TUBA3E: variants seen among roughly 807,000 people sequenced by gnomAD.
TUBA3E encodes the protein tubulin alpha-3E chain.
TUBA3E carries 21 observed loss-of-function variants against 36.7 expected under a neutral mutation model. That is an observed-to-expected ratio of 0.57 (90% confidence interval 0.41 to 0.83). The LOEUF (loss-of-function observed/expected upper bound fraction) is 0.83, where lower values mean the gene tolerates loss of function less well. Among genes scored for constraint, TUBA3E ranks in the 40% least tolerant of loss-of-function variants. TUBA3E has a pLI of 0.00. For missense variants in TUBA3E, 469 were observed against 604.2 expected (o/e 0.78, Z 2.35); for synonymous variants, 177 against 241.9 (o/e 0.73, Z 2.49).
At chr2:130,192,216 T>C in intron 4 of TUBA3E, 89 bp from the exon 5 acceptor site, 1 of 1,519,780 alleles carries the variant, frequency 6.6e-7, no homozygotes. Flanking sequence ...AGACACCCTG[T>C]AGGTGACACG....
chr2:130,198,386 C>T lies in TUBA3E; in HGVS notation c.-26G>A, dbSNP rs6758642. The T allele has an allele frequency of 0.012, 16,745 of 1,356,288 alleles. 4,582 individuals carry two copies. In the African/African-American group the frequency reaches 0.22, roughly 18 times the overall value. 84.0% of individuals were successfully genotyped at this position (1,356,288 alleles called of 1,614,324 possible). A position where few individuals can be genotyped will look rare whatever the true frequency, so the allele number is the denominator to read the frequency against. ...GGCGAACTCCGCTGCTTCAGCCCAA[C>T]GCTACTTCCAGACCTCAACCGGCTG... On this transcript the variant is annotated 5_prime_UTR_variant, in exon 1 of 5. Transcript: ENST00000312988.
Position 130,193,947 on chromosome 2 carries a change from C to G in TUBA3E, c.895G>C (p.Ala299Pro). 1.2e-6 allele frequency: 2 copies of G among 1,614,220 alleles called. No individual in the cohort carries two copies. The highest frequency in any genetic ancestry group is 1.1e-5 in the South Asian group (1 of 91,088). Residue 299 changes from alanine (A) to proline (P), a missense_variant, in exon 4 of 5, where the codon GCC (alanine) becomes CCC (proline). Coordinates refer to ENST00000312988, the MANE Select transcript of TUBA3E (RefSeq NM_207312.3). ...AEITNACFEP[A>P]NQMVKCDPRH... is the part of the protein sequence containing the mutation. ...GGGTCACACTTGACCATCTGATTGG[C>G]TGGCTCGAAGCAGGCATTGGTGATC... is the stretch of plus-strand genomic sequence containing the variant.
rs781666196 is a variant in TUBA3E at position 130,192,087 on chromosome 2, C to T, written c.1097G>A (p.Gly366Glu). Residue 366 changes from glycine (G) to glutamate (E), a missense_variant, in exon 5 of 5, where the codon GGA (glycine) becomes GAA (glutamate). By Grantham distance (98) the Gly-to-Glu change is moderately conservative. Transcript: ENST00000312988. ...GGCCCGCTGCACCTTGGCCAGGTCT[C>T]CCCCGGGGACCACTGTGGGGGGCTG... ...NYQPPTVVPGGDLAKVQRAVC... is the reference protein window; with the variant it reads ...NYQPPTVVPGEDLAKVQRAVC... The T allele has an allele frequency of 3.7e-6, 6 of 1,606,376 alleles. No individual in the cohort carries two copies. The East Asian group carries it at 1.3e-4, about 36-fold the overall frequency.
In TUBA3E at chr2:130,196,142, C is replaced by A. The variant is rs1690396773; in HGVS notation, c.226+7G>T. Reference sequence around the variant, plus strand: ...GGAAAGCTGCCATCCAGTGCCCAGGCACCTACCGACCACAGTGGGCTCCAG... The same window carrying A: ...GGAAAGCTGCCATCCAGTGCCCAGGAACCTACCGACCACAGTGGGCTCCAG... On this transcript the variant is annotated splice_region_variant and intron_variant, in intron 2 of 4. Transcript: ENST00000312988. 1.2e-6 allele frequency: 2 copies of A among 1,609,390 alleles called. No homozygotes were observed. The highest frequency in any genetic ancestry group is 1.1e-5 in the South Asian group (1 of 90,644).
intron 1 of TUBA3E, among the ~76,000 whole-genome samples, chr2:130,196,868 C>T (rs1214786361): frequency 1.3e-5 from 2 of 152,164 alleles, no homozygotes; most frequent in Admixed American, 6.5e-5. Context: ...TCTGTGCTCT[C>T]GAAGGCTGAC....
At position 130,194,156 on chromosome 2, in the gene TUBA3E, C is replaced by T. The variant is rs760795453; in HGVS notation, c.686G>A (p.Arg229His). ...GGAGGACACGATCTGCCCAATCAGGCGATTGAGGTTGGTGTACGTGGGACG... is the reference window on the plus strand; with the variant it reads ...GGAGGACACGATCTGCCCAATCAGGTGATTGAGGTTGGTGTACGTGGGACG... ...IERPTYTNLN[R>H]LIGQIVSSIT... Residue 229 changes from arginine (R) to histidine (H), a missense_variant, in exon 4 of 5, where the codon CGC (arginine) becomes CAC (histidine). By Grantham distance (29) the Arg-to-His change is conservative. Around this residue, in one of 3 missense-constraint regions of TUBA3E, gnomAD observed 296 missense variants for 346.9 expected, o/e 0.85. Coordinates refer to ENST00000312988, the MANE Select transcript of TUBA3E (RefSeq NM_207312.3). The T allele has an allele frequency of 2.8e-5, 45 of 1,613,792 alleles. No individual in the cohort carries two copies. Among genetic ancestry groups the T allele is most frequent in the Middle Eastern group, 1.7e-4 (1 of 5,888 alleles).
At chr2:130,192,332 C>G (rs939023410) in intron 4 of TUBA3E, among the ~76,000 whole-genome samples, 4 of 152,138 alleles carry the variant, frequency 2.6e-5, no homozygotes, top group African/African-American at 9.7e-5. Flanking sequence ...AGGTAGCCAC[C>G]CTGGTGGGAT....
intron 4 of TUBA3E, 71 bp from the exon 5 acceptor site, chr2:130,192,198 C>T (rs1374115502): frequency 5.8e-6 from 9 of 1,540,854 alleles, no homozygotes; most frequent in African/African-American, 1.4e-5. Flanking sequence ...TACTTCTCCT[C>T]AAACAGAAGA....
Position 130,193,724 on chromosome 2 carries a change from A to G in TUBA3E, c.1056+62T>C, listed in dbSNP as rs753719711. 1.6e-3 allele frequency: 2,415 copies of G among 1,548,772 alleles called. 11 individuals are homozygous for G. Among genetic ancestry groups the G allele is most frequent in the African/African-American group, 3.8e-3 (275 of 71,950 alleles). ...TCTCCCCAAAGGATGTGGGCCTTCA[A>G]GGCCAGTGTTATTTTGTGCATCTGC... On this transcript the variant is annotated intron_variant, in intron 4 of 4. Transcript: ENST00000312988.
In TUBA3E at chr2:130,193,877, T is replaced by TC. The variant is rs745980417; in HGVS notation, c.964dup (p.Asp322GlyfsTer31). On this transcript the variant is annotated frameshift_variant, in exon 4 of 5. Transcript: ENST00000312988. LOFTEE classifies it high-confidence loss of function. ...CGCATTGACGTCTTTGGGGACCACGTCCCCCCTGTACAACATGCAGCAGGC... is the reference window on the plus strand; with the variant it reads ...CGCATTGACGTCTTTGGGGACCACGTCCCCCCCTGTACAACATGCAGCAGGC... 1 of 1,613,950 alleles carries TC rather than the reference T, an allele frequency of 6.2e-7. No individual in the cohort carries two copies. Among genetic ancestry groups the TC allele is most frequent in the African/African-American group, 1.3e-5 (1 of 74,902 alleles).
chr2:130,192,022 A>G lies in TUBA3E; in HGVS notation c.1162T>C (p.Trp388Arg), dbSNP rs780566259. 6.2e-7 allele frequency: 1 copy of G among 1,614,100 alleles called. No homozygotes were observed. Among genetic ancestry groups the G allele is most frequent in the African/African-American group, 1.3e-5 (1 of 75,006 alleles). ...LSNTTAIAEAWARLVHKFDLM... is the reference protein window; with the variant it reads ...LSNTTAIAEARARLVHKFDLM... Reference sequence around the variant, plus strand: ...TCGAACTTATGGACCAGGCGGGCCCAGGCCTCCGCAATGGCCGTGGTGTTG... The same window carrying G: ...TCGAACTTATGGACCAGGCGGGCCCGGGCCTCCGCAATGGCCGTGGTGTTG... Residue 388 changes from tryptophan to arginine, a missense_variant, in exon 5 of 5, where the codon TGG becomes CGG. Coordinates refer to ENST00000312988, the MANE Select transcript of TUBA3E (RefSeq NM_207312.3).
chr2:130,191,999 G>A lies in TUBA3E; in HGVS notation c.1185C>T (p.Phe395=), dbSNP rs775161464. 83 of 1,614,044 alleles carry A rather than the reference G, an allele frequency of 5.1e-5. 1 individual carries two copies. In the Admixed American group the frequency reaches 1.1e-3, roughly 21 times the overall value. Residue 395 remains phenylalanine (F), a synonymous_variant, in exon 5 of 5, where the codon TTC becomes TTT. Transcript: ENST00000312988. ...AGGCCCACTTGGCATACATGAGATCGAACTTATGGACCAGGCGGGCCCAGG... is the reference window on the plus strand; with the variant it reads ...AGGCCCACTTGGCATACATGAGATCAAACTTATGGACCAGGCGGGCCCAGG... ...AEAWARLVHK[F]DLMYAKWAFV...
intron 4 of TUBA3E, among the ~76,000 whole-genome samples, chr2:130,193,018 G>C (rs968730035): frequency 1.3e-5 from 2 of 151,754 alleles, no homozygotes; most frequent in Non-Finnish European, 2.9e-5. Flanking sequence ...GCTTGAACCC[G>C]GGAGGTGGAG....
rs1300246528 is a variant in TUBA3E, at chr2:130,193,864, T to C, written c.978A>G (p.Lys326=). 1 of 1,614,170 alleles carries C rather than the reference T, an allele frequency of 6.2e-7. No homozygotes were observed. The highest frequency in any genetic ancestry group is 2.2e-5 in the East Asian group (1 of 44,864). ...CMLYRGDVVP[K]DVNAAIATIK... is the part of the protein sequence containing the mutation. ...TGGTGGCGATGGCCGCATTGACGTC[T>C]TTGGGGACCACGTCCCCCCTGTACA... Residue 326 remains lysine (K), a synonymous_variant, in exon 4 of 5, where the codon AAA becomes AAG. Transcript: ENST00000312988.
At chr2:130,193,673 A>C in intron 4 of TUBA3E, 113 bp downstream of exon 4, 1 of 1,368,216 alleles carries the variant, frequency 7.3e-7, no homozygotes, top group South Asian at 1.4e-5. Flanking sequence ...TTATGCCCAC[A>C]TGCCTAGCCC....
rs576105082 is a variant in TUBA3E at position 130,191,896 on chromosome 2, T to A, written c.1288A>T (p.Lys430Ter). The change falls in exon 5 of 5, where the codon AAG (lysine) becomes TAG (stop). Residue 430 changes from lysine to a stop codon, truncating the protein, a stop_gained. Transcript: ENST00000312988. LOFTEE classifies it high-confidence loss of function. ...TCCACGCCCACCTCTTCACAATCCT[T>A]CTCTAGAGCTGCCAGGTCCTCGCGG... ...EAREDLAALE[K>*]DCEEVGVDSV... The A allele has an allele frequency of 6.6e-5, 106 of 1,614,016 alleles. No homozygotes were observed. Among genetic ancestry groups the A allele is most frequent in the African/African-American group, 9.3e-5 (7 of 74,982 alleles).
rs746437949 is a variant in TUBA3E, at chr2:130,191,954, G to A, written c.1230C>T (p.Gly410=). The A allele has an allele frequency of 5.4e-5, 87 of 1,613,828 alleles. 2 individuals carry two copies. The highest frequency in any genetic ancestry group is 4.4e-4 in the South Asian group (40 of 91,062). ...AKWAFVHWYV[G]EGMEEGEFSE... ...AGAACTCTCCCTCTTCCATGCCTTC[G>A]CCCACGTACCAGTGCACAAAGGCCC... Residue 410 remains glycine (G), a synonymous_variant, in exon 5 of 5, where the codon GGC becomes GGT. Coordinates refer to ENST00000312988, the MANE Select transcript of TUBA3E (RefSeq NM_207312.3).
chr2:130,191,804 C>G lies in TUBA3E; in HGVS notation c.*27G>C. ...TTGAAAGCAGCCATCCTAGGGGTGG[C>G]AGGGGAGAACCCACCACACCCTCCC... On this transcript the variant is annotated 3_prime_UTR_variant, in exon 5 of 5. Transcript: ENST00000312988. The G allele has an allele frequency of 1.3e-6, 2 of 1,586,112 alleles. No individual in the cohort carries two copies. Among genetic ancestry groups the G allele is most frequent in the South Asian group, 2.3e-5 (2 of 85,800 alleles).
At chr2:130,195,361 G>A in intron 2 of TUBA3E, 134 bp from the exon 3 acceptor site, 1 of 1,326,194 alleles carries the variant, frequency 7.5e-7, no homozygotes, top group Non-Finnish European at 1.0e-6. Flanking sequence ...GGTCAACAGT[G>A]GCAGTGTCTG....
Sources: allele counts gnomAD v4.1 joint callset (sites outside exome capture counted in the v4.1 genomes callset), GRCh38; gene constraint gnomAD v4.1.1; regional missense constraint gnomAD v4.1.1; transcripts MANE v1.5; gene names NCBI Gene and HGNC (gene_info 2026-07-23, HGNC 2026-07-21).